ITGB4: variants seen among roughly 807,000 people sequenced by gnomAD.
ITGB4 encodes the protein integrin subunit beta 4, also known as integrin beta-4.
Under a neutral mutation model 207.6 loss-of-function variants are expected in ITGB4, and 159 were observed. The observed-to-expected ratio is 0.77, with a 90% CI of 0.67 to 0.87. The LOEUF (loss-of-function observed/expected upper bound fraction) is 0.87. Ranked by LOEUF, ITGB4 falls within the 40% of genes least tolerant of loss-of-function variation. ITGB4 has a pLI of 0.00. For missense variants in ITGB4, 2,278 were observed against 2,546.8 expected (o/e 0.89, Z 2.27); for synonymous variants, 1,020 against 1,062.7 (o/e 0.96, Z 0.78).
intron 35 of ITGB4, 28 bp downstream of exon 35, chr17:75,755,878 G>A (rs1026234365): frequency 1.9e-6 from 3 of 1,595,096 alleles, no homozygotes; most frequent in East Asian, 4.5e-5. Flanking sequence ...CCAGGCTGCG[G>A]GGTGCAGCCC....
rs1294435709 is a variant in ITGB4 at position 75,733,173 on chromosome 17, G to T, written c.1455-317G>T. 2.0e-5 allele frequency among the ~76,000 whole-genome samples: 3 copies of T among 151,974 alleles called. No individual in the cohort carries two copies. In the East Asian group the frequency reaches 5.8e-4, roughly 29 times the overall value. On this transcript the variant is annotated intron_variant, in intron 12 of 39. Coordinates refer to ENST00000200181, the MANE Select transcript of ITGB4 (RefSeq NM_000213.5). Reference sequence around the variant, plus strand: ...GGAGGCCGAGGTGGGCGGATCACAAGGTCAGGAGATCGAGACCATCCTGGC... The same window carrying T: ...GGAGGCCGAGGTGGGCGGATCACAATGTCAGGAGATCGAGACCATCCTGGC...
chr17:75,755,740 G>T lies in ITGB4; in HGVS notation c.4598G>T (p.Arg1533Leu). ...GCTGGTGTGCCCGACACGCCCACCC[G>T]CCTGGTGTTCTCTGCCCTGGGGCCC... ...LTAGVPDTPT[R>L]LVFSALGPTS... The change falls in exon 35 of 40, where the codon CGC becomes CTC. Residue 1533 changes from arginine to leucine, a missense_variant. By Grantham distance (102) the Arg-to-Leu change is moderately radical. Transcript: ENST00000200181. The T allele has an allele frequency of 1.2e-6, 2 of 1,612,760 alleles. No individual in the cohort carries two copies. The highest frequency in any genetic ancestry group is 1.7e-6 in the Non-Finnish European group (2 of 1,179,896).
intron 2 of ITGB4, among the ~76,000 whole-genome samples, chr17:75,726,365 G>A (rs1015020192): frequency 6.6e-6 from 1 of 152,174 alleles, no homozygotes; most frequent in Non-Finnish European, 1.5e-5. Flanking sequence ...TGTCGAGACT[G>A]CAGTGAGCTG....
intron 32 of ITGB4, 41 bp from the exon 33 acceptor site, chr17:75,753,724 G>T: frequency 7.6e-7 from 1 of 1,318,726 alleles, no homozygotes; most frequent in South Asian, 2.1e-5. Flanking sequence ...TCGGCCCGGC[G>T]CCCCCCGGCG....
At chr17:75,734,229 T>G (rs377708014) in intron 13 of ITGB4, among the ~76,000 whole-genome samples, 1 of 143,852 alleles carries the variant, frequency 7.0e-6, no homozygotes, top group African/African-American at 2.6e-5. Flanking sequence ...CTCTGCCTCC[T>G]GGGTTCAGGC....
chr17:75,725,793 C>T (rs552445576), intron 2 of ITGB4, among the ~76,000 whole-genome samples: 69 of 152,280 alleles, frequency 4.5e-4, no homozygotes, highest in African/African-American at 1.3e-3. Flanking sequence ...CCAGGTGTGC[C>T]GGGTGCTAGG....
rs2061133070 is a variant in ITGB4 at position 75,742,455 on chromosome 17, G to A, written c.2748G>A (p.Val916=). 1 of 1,613,174 alleles carries A rather than the reference G, an allele frequency of 6.2e-7. No homozygotes were observed. The highest frequency in any genetic ancestry group is 8.5e-7 in the Non-Finnish European group (1 of 1,179,820). The change falls in exon 24 of 40, where the codon GTG becomes GTA. Residue 916 remains valine (V), a synonymous_variant. Transcript: ENST00000200181. The surrounding 1 kb of genome is among the most constrained non-coding windows in gnomAD (Gnocchi z 5.9). ...VEQRAFHDLK[V]APGYYTLTAD... ...AGAGGGCCTTCCACGACCTCAAGGT[G>A]GCCCCCGGCTACTACACCCTCACTG...
rs146269824 is a variant in ITGB4 at position 75,727,732 on chromosome 17, C to T, written c.346C>T (p.Arg116Trp). The T allele has an allele frequency of 1.8e-4, 288 of 1,613,696 alleles. No individual in the cohort carries two copies. The highest frequency in any genetic ancestry group is 2.2e-4 in the Non-Finnish European group (260 of 1,179,964). ...LRVRLRPGEE[R>W]HFELEVFEPL... ...GGTCCGTCTGCGGCCCGGTGAGGAG[C>T]GGCATTTTGAGCTGGAGGTGTTTGA... Residue 116 changes from arginine (R) to tryptophan (W), a missense_variant, in exon 5 of 40, where the codon CGG (arginine) becomes TGG (tryptophan). Coordinates refer to ENST00000200181, the MANE Select transcript of ITGB4 (RefSeq NM_000213.5). This position sits in a 1 kb window ranked among gnomAD's most constrained non-coding sequence, Gnocchi z 6.0.
At position 75,733,507 on chromosome 17, in the gene ITGB4, A is replaced by T. The variant is rs949604559; in HGVS notation, c.1472A>T (p.Asn491Ile). 1 of 1,613,300 alleles carries T rather than the reference A, an allele frequency of 6.2e-7. No individual in the cohort carries two copies. The highest frequency in any genetic ancestry group is 2.2e-5 in the East Asian group (1 of 44,886). ...TCCTTCAGGAGTGGCCAGACCTGCA[A>T]CTGCTCCACCGGCTCTCTGAGTGAC... ...CSEGWSGQTC[N>I]CSTGSLSDIQ... Residue 491 changes from asparagine to isoleucine, a missense_variant, in exon 13 of 40, where the codon AAC becomes ATC. Asn to Ile is a moderately radical substitution (Grantham distance 149, BLOSUM62 -3). Coordinates refer to ENST00000200181, the MANE Select transcript of ITGB4 (RefSeq NM_000213.5).
At chr17:75,724,565 C>A in intron 1 of ITGB4, 129 bp from the exon 2 acceptor site, 1 of 778,250 alleles carries the variant, frequency 1.3e-6, no homozygotes, top group Non-Finnish European at 2.3e-6. Context: ...CTGCCTCTGG[C>A]GGCTGGGCGC....
Position 75,731,089 on chromosome 17 carries a change from G to C in ITGB4, c.1092+125G>C. ...GTCTGGGACAGACCAGTGAGGAAGG[G>C]TCTCTAGCTATCCCTGAGGCCCCGA... On this transcript the variant is annotated intron_variant, in intron 9 of 39. Transcript: ENST00000200181. The surrounding 1 kb of genome is among the most constrained non-coding windows in gnomAD (Gnocchi z 6.8). 1 of 1,420,298 alleles carries C rather than the reference G, an allele frequency of 7.0e-7. No individual in the cohort carries two copies. The highest frequency in any genetic ancestry group is 9.8e-7 in the Non-Finnish European group (1 of 1,018,914). 88.0% of individuals were successfully genotyped at this position (1,420,298 alleles called of 1,614,324 possible).
chr17:75,740,365 C>A lies in ITGB4; in HGVS notation c.2454C>A (p.Tyr818Ter). ...CCCACCGCCTTTCCTTAGTGCCCTACGGGCTGTCCTTGCGCCTGGCCCGCC... is the reference window on the plus strand; with the variant it reads ...CCCACCGCCTTTCCTTAGTGCCCTAAGGGCTGTCCTTGCGCCTGGCCCGCC... The part of the protein sequence containing the change: ...ASINPTELVP[Y>*]GLSLRLARLC... The change falls in exon 21 of 40, where the codon TAC becomes TAA. Residue 818 changes from tyrosine to a stop codon, truncating the protein, a stop_gained. Transcript: ENST00000200181. LOFTEE classifies it high-confidence loss of function. This position sits in a 1 kb window ranked among gnomAD's most constrained non-coding sequence, Gnocchi z 5.9. 1.2e-6 allele frequency: 2 copies of A among 1,613,222 alleles called. No individual in the cohort carries two copies. Among genetic ancestry groups the A allele is most frequent in the Non-Finnish European group, 1.7e-6 (2 of 1,179,886 alleles).
rs1228895988 is a variant in ITGB4 at position 75,756,415 on chromosome 17, C to A, written c.4709-14C>A. Reference sequence around the variant, plus strand: ...AACACTGCACTACTGTGTGCCCCCACCTGATCCCCCCAGGTGAGCTGCATC... The same window carrying A: ...AACACTGCACTACTGTGTGCCCCCAACTGATCCCCCCAGGTGAGCTGCATC... On this transcript the variant is annotated splice_polypyrimidine_tract_variant and intron_variant, in intron 35 of 39. Coordinates refer to ENST00000200181, the MANE Select transcript of ITGB4 (RefSeq NM_000213.5). 6 of 1,613,154 alleles carry A rather than the reference C, an allele frequency of 3.7e-6. No homozygotes were observed. The highest frequency in any genetic ancestry group is 1.6e-4 in the Middle Eastern group (1 of 6,062).
rs756360104 is a variant in ITGB4 at position 75,757,648 on chromosome 17, G to A, written c.*93G>A. The A allele has an allele frequency of 6.4e-7, 1 of 1,561,868 alleles. No homozygotes were observed. The highest frequency in any genetic ancestry group is 8.8e-7 in the Non-Finnish European group (1 of 1,135,392). On this transcript the variant is annotated 3_prime_UTR_variant, in exon 40 of 40. Transcript: ENST00000200181. ...CAGCTACTCCATCCTTGCACCCCTG[G>A]GGGCCCAGCCCACCCGCATGCACAG...
At chr17:75,755,946 C>A in intron 35 of ITGB4, 96 bp downstream of exon 35, 1 of 1,447,314 alleles carries the variant, frequency 6.9e-7, no homozygotes, top group Non-Finnish European at 9.4e-7. Context: ...AGGAACCCAC[C>A]CAAGTCCCTT....
intron 26 of ITGB4, among the ~76,000 whole-genome samples, chr17:75,747,417 T>C (rs1175160320): frequency 6.6e-6 from 1 of 152,072 alleles, no homozygotes; most frequent in Non-Finnish European, 1.5e-5. Context: ...GGGTGGAGGT[T>C]GCAGTGAGCC....
At chr17:75,738,364 C>T (rs753267716) in intron 18 of ITGB4, among the ~76,000 whole-genome samples, 5 of 152,186 alleles carry the variant, frequency 3.3e-5, no homozygotes, top group African/African-American at 9.7e-5. Flanking sequence ...TTTGTGCTGT[C>T]GCCACAGCAT....
At position 75,727,073 on chromosome 17, in the gene ITGB4, A is replaced by AAAAT. The variant is rs566692841; in HGVS notation, c.80-107_80-104dup. On this transcript the variant is annotated intron_variant, in intron 2 of 39. Coordinates refer to ENST00000200181, the MANE Select transcript of ITGB4 (RefSeq NM_000213.5). This position sits in a 1 kb window ranked among gnomAD's most constrained non-coding sequence, Gnocchi z 6.0. The stretch of plus-strand genomic sequence containing the variant: ...GGGCAACAGAGCGAGACTCTGTCTC[A>AAAAT]AAATAAATAAATAAATAACATAAGG... 2.5e-4 allele frequency: 213 copies of AAAAT among 835,428 alleles called. 1 individual carries two copies. The African/African-American group carries it at 2.7e-3, about 11-fold the overall frequency. The allele number at this position is 835,428 out of a possible 1,614,324, so 51.8% of individuals were successfully genotyped here.
chr17:75,736,777 G>C, intron 16 of ITGB4, 83 bp downstream of exon 16: 1 of 1,467,768 alleles, frequency 6.8e-7, no homozygotes. Flanking sequence ...TCACCTGGAC[G>C]GGGGCTTGCA....
Sources: gnomAD v4.1 joint callset for allele counts (sites outside exome capture counted in the v4.1 genomes callset) on GRCh38, gnomAD v4.1.1 for gene constraint, Gnocchi (gnomAD v3.1) non-coding constraint, MANE v1.5 for transcripts, NCBI Gene and HGNC (gene_info 2026-07-23, HGNC 2026-07-21) for gene names.